Variants in CAMTA1 observed in about 807,000 individuals in gnomAD.
CAMTA1 encodes calmodulin binding transcription activator 1.
A neutral mutation model predicts 170.9 loss-of-function variants in CAMTA1; 27 were observed. That is an observed-to-expected ratio of 0.16 (90% confidence interval 0.12 to 0.22). The LOEUF is 0.22. CAMTA1 is among the 10% of genes least tolerant of loss of function. The probability of loss-of-function intolerance (pLI) is 1.00; values close to 1 mark genes in which losing one functional copy is unlikely to be tolerated. For missense variants in CAMTA1, 1,619 were observed against 2,217.2 expected (o/e 0.73, Z 5.42); for synonymous variants, 833 against 891.5 (o/e 0.93, Z 1.17).
At chr1:6,985,628 A>G (rs116648087) in intron 3 of CAMTA1, among the ~76,000 whole-genome samples, 180 of 152,354 alleles carry the variant, frequency 1.2e-3, no homozygotes, top group African/African-American at 4.2e-3. Flanking sequence ...TAATAGCACG[A>G]AAATAATTTC....
At chr1:7,656,950 G>A (rs565594698) in intron 7 of CAMTA1, among the ~76,000 whole-genome samples, 40 of 152,342 alleles carry the variant, frequency 2.6e-4, no homozygotes, top group African/African-American at 9.1e-4. Context: ...GGGTTCCTGC[G>A]ACGGCCACTC....
At chr1:7,581,733 G>T (rs1413131916) in intron 6 of CAMTA1, among the ~76,000 whole-genome samples, 3 of 152,260 alleles carry the variant, frequency 2.0e-5, no homozygotes, top group Non-Finnish European at 1.5e-5. Context: ...CTGGCACTGG[G>T]AGGCTGCTAG....
chr1:7,551,256 G>T (rs1312371473), intron 6 of CAMTA1, among the ~76,000 whole-genome samples: 4 of 151,942 alleles, frequency 2.6e-5, no homozygotes, highest in Non-Finnish European at 4.4e-5. Context: ...GGCTCCGGAG[G>T]TCGGACAAGA....
Position 7,570,435 on chromosome 1 carries a change from G to T in CAMTA1, c.511-69965G>T, listed in dbSNP as rs1041087011. ...GAGGAGGAAGCCAGGGGCAAACCCG[G>T]ACCAGCCCGTGCATGTGCCAAGGGC... On this transcript the variant is annotated intron_variant, in intron 6 of 22. Transcript: ENST00000303635. The surrounding 1 kb of genome is among the most constrained non-coding windows in gnomAD (Gnocchi z 4.3). Among the ~76,000 whole-genome samples the T allele has an allele frequency of 1.3e-5, 2 of 152,218 alleles. No homozygotes were observed. Among genetic ancestry groups the T allele is most frequent in the South Asian group, 4.1e-4 (2 of 4,830 alleles).
In CAMTA1 at chr1:6,887,627, G is replaced by A. The variant is rs941492442; in HGVS notation, c.234+62417G>A. 6.5e-7 allele frequency: 1 copy of A among 1,532,936 alleles called. No individual in the cohort carries two copies. Among genetic ancestry groups the A allele is most frequent in the East Asian group, 2.4e-5 (1 of 40,904 alleles). 95.0% of individuals were successfully genotyped at this position (1,532,936 alleles called of 1,614,324 possible). A position where few individuals can be genotyped will look rare whatever the true frequency, so the allele number is the denominator to read the frequency against. ...AAACAGAAATAGAAGCGACGGTTTT[G>A]ACCCATTTTACACCTATTTATTTCA... On this transcript the variant is annotated intron_variant, in intron 3 of 22. Transcript: ENST00000303635. The surrounding 1 kb of genome is among the most constrained non-coding windows in gnomAD (Gnocchi z 4.1).
chr1:7,514,846 C>A (rs901179886), intron 6 of CAMTA1, among the ~76,000 whole-genome samples: 1 of 152,188 alleles, frequency 6.6e-6, no homozygotes, highest in Non-Finnish European at 1.5e-5. Context: ...CCCACCACCC[C>A]ATTATTCGCT....
At chr1:7,087,086 G>T (rs1640848786) in intron 3 of CAMTA1, among the ~76,000 whole-genome samples, 1 of 152,118 alleles carries the variant, frequency 6.6e-6, no homozygotes, top group African/African-American at 2.4e-5. Flanking sequence ...CTATACCTCG[G>T]TTTTTTTCCT....
intron 3 of CAMTA1, among the ~76,000 whole-genome samples, chr1:6,987,839 C>G (rs1695615155): frequency 6.6e-6 from 1 of 152,100 alleles, no homozygotes; most frequent in Admixed American, 6.5e-5. Context: ...CCTTCCCCCT[C>G]CATCCCCAGC....
At position 7,547,348 on chromosome 1, in the gene CAMTA1, G is replaced by GCACACA. The variant is rs3222190; in HGVS notation, c.510+79484_510+79489dup. 9.8e-3 allele frequency among the ~76,000 whole-genome samples: 1,406 copies of GCACACA among 144,086 alleles called. 19 individuals carry two copies. Among genetic ancestry groups the GCACACA allele is most frequent in the African/African-American group, 0.033 (1,249 of 38,290 alleles). The allele number at this position is 144,086 out of a possible 152,430, so 94.5% of individuals were successfully genotyped here. ...GAGCTGGGGAATATATGTATCATAT[G>GCACACA]CACACACACACACACACACACACAC... On this transcript the variant is annotated intron_variant, in intron 6 of 22. Coordinates refer to ENST00000303635, the MANE Select transcript of CAMTA1 (RefSeq NM_015215.4). The surrounding 1 kb of genome is among the most constrained non-coding windows in gnomAD (Gnocchi z 5.7).
At position 7,067,322 on chromosome 1, in the gene CAMTA1, T is replaced by C. The variant is rs188702016; in HGVS notation, c.235-23982T>C. On this transcript the variant is annotated intron_variant, in intron 3 of 22. Coordinates refer to ENST00000303635, the MANE Select transcript of CAMTA1 (RefSeq NM_015215.4). The surrounding 1 kb of genome is among the most constrained non-coding windows in gnomAD (Gnocchi z 4.3). ...TCTTCCCTGGACAGTGCTAGACAAA[T>C]AGGACTCCTTTAACTCCTTAGGAAG... 2.4e-4 allele frequency among the ~76,000 whole-genome samples: 36 copies of C among 152,316 alleles called. No homozygotes were observed. Among genetic ancestry groups the C allele is most frequent in the Admixed American group, 1.6e-3 (24 of 15,304 alleles).
chr1:7,612,696 G>A (rs1212353982), intron 6 of CAMTA1, among the ~76,000 whole-genome samples: 2 of 152,232 alleles, frequency 1.3e-5, no homozygotes, highest in Admixed American at 1.3e-4. Flanking sequence ...TGGCTGCCAG[G>A]CACAGCCATT....
At chr1:7,452,686 C>T (rs995550720) in intron 5 of CAMTA1, among the ~76,000 whole-genome samples, 7 of 152,134 alleles carry the variant, frequency 4.6e-5, no homozygotes, top group Non-Finnish European at 7.3e-5. Flanking sequence ...CATGTTGTGG[C>T]GCATGTCAGC....
chr1:7,760,826 G>A (rs560434490), intron 22 of CAMTA1, among the ~76,000 whole-genome samples: 3 of 152,152 alleles, frequency 2.0e-5, no homozygotes, highest in African/African-American at 4.8e-5. Context: ...TATTTTTGAC[G>A]TCCAGCATTG....
intron 4 of CAMTA1, among the ~76,000 whole-genome samples, chr1:7,138,633 T>C (rs1406823687): frequency 6.6e-6 from 1 of 152,218 alleles, no homozygotes; most frequent in Non-Finnish European, 1.5e-5. Flanking sequence ...AACACATACA[T>C]GCCAACATTT....
chr1:7,563,699 C>T (rs1462576306), intron 6 of CAMTA1, among the ~76,000 whole-genome samples: 2 of 152,198 alleles, frequency 1.3e-5, no homozygotes, highest in African/African-American at 4.8e-5. Flanking sequence ...ATTCTGGGAC[C>T]ACACATCTTT....
At chr1:7,526,391 C>A (rs942921735) in intron 6 of CAMTA1, among the ~76,000 whole-genome samples, 2 of 152,140 alleles carry the variant, frequency 1.3e-5, no homozygotes, top group Admixed American at 6.5e-5. Flanking sequence ...CACCCCTGCC[C>A]CCCACCCCAC....
intron 4 of CAMTA1, among the ~76,000 whole-genome samples, chr1:7,119,627 T>C (rs953888530): frequency 8.5e-5 from 13 of 152,090 alleles, no homozygotes; most frequent in Non-Finnish European, 1.5e-4. Context: ...GTGGGTAGAG[T>C]GGGCAGGATG....
At chr1:7,120,192 T>C (rs1644562443) in intron 4 of CAMTA1, among the ~76,000 whole-genome samples, 1 of 152,206 alleles carries the variant, frequency 6.6e-6, no homozygotes, top group Admixed American at 6.5e-5. Flanking sequence ...ACACAACACA[T>C]GATCCTTATC....
At chr1:7,295,055 A>T (rs1557460560) in intron 5 of CAMTA1, among the ~76,000 whole-genome samples, 1 of 152,244 alleles carries the variant, frequency 6.6e-6, no homozygotes, top group Non-Finnish European at 1.5e-5. Context: ...AGCATCAAGC[A>T]CACTGGCTTG....
Sources: allele counts gnomAD v4.1 joint callset (sites outside exome capture counted in the v4.1 genomes callset), GRCh38; gene constraint gnomAD v4.1.1; non-coding constraint Gnocchi (gnomAD v3.1); transcripts MANE v1.5; gene names NCBI Gene and HGNC (gene_info 2026-07-23, HGNC 2026-07-21).